POPDC3: variants seen among roughly 807,000 people sequenced by gnomAD.
The protein encoded by POPDC3 is popeye domain-containing protein 3.
A neutral mutation model predicts 28.2 loss-of-function variants in POPDC3; 20 were observed. That is an observed-to-expected ratio of 0.71 (90% CI 0.50 to 1.03). The LOEUF (loss-of-function observed/expected upper bound fraction) is 1.03. POPDC3 is among the 50% of genes least tolerant of loss of function. POPDC3 has a pLI of 0.00. For missense variants in POPDC3, 316 were observed against 345.9 expected (o/e 0.91, Z 0.69); for synonymous variants, 118 against 124.1 (o/e 0.95, Z 0.33).
rs1242638180 is a variant in POPDC3, at chr6:105,158,353, G to A, written c.*117C>T. 1.5e-5 allele frequency: 12 copies of A among 823,146 alleles called. No individual in the cohort carries two copies. Among genetic ancestry groups the A allele is most frequent in the Admixed American group, 9.0e-5 (3 of 33,274 alleles). 51.0% of individuals were successfully genotyped at this position (823,146 alleles called of 1,614,324 possible). On this transcript the variant is annotated 3_prime_UTR_variant, in exon 4 of 4. Transcript: ENST00000254765. ...ATAAAACAGTTGGCAATGGCATCTC[G>A]CTTCTGAATTTGATTTATAAAAACA...
chr6:105,172,805 A>G (rs1269496665), intron 1 of POPDC3, among the ~76,000 whole-genome samples: 1 of 146,606 alleles, frequency 6.8e-6, no homozygotes, highest in Non-Finnish European at 1.5e-5. Context: ...CAAACACCGC[A>G]TGTTCTCACT....
intron 2 of POPDC3, among the ~76,000 whole-genome samples, chr6:105,160,679 G>A (rs918864364): frequency 2.0e-5 from 3 of 151,864 alleles, no homozygotes; most frequent in East Asian, 3.9e-4. Flanking sequence ...TGCAACCTCC[G>A]CCTCCCACGC....
At chr6:105,159,879 A>C in intron 2 of POPDC3, 60 bp from the exon 3 acceptor site, 4 of 944,690 alleles carry the variant, frequency 4.2e-6, no homozygotes, top group Non-Finnish European at 3.4e-6. Flanking sequence ...ATAATTGGGG[A>C]GGGGTGGGGG....
chr6:105,171,693 T>A (rs906747427), intron 1 of POPDC3, among the ~76,000 whole-genome samples: 2 of 151,146 alleles, frequency 1.3e-5, no homozygotes, highest in Admixed American at 6.6e-5. Context: ...TAATAATTAT[T>A]ATTATTAATT....
intron 1 of POPDC3, among the ~76,000 whole-genome samples, chr6:105,175,311 G>T (rs1199516133): frequency 1.3e-5 from 2 of 151,634 alleles, no homozygotes; most frequent in Non-Finnish European, 2.9e-5. Context: ...GGCTGAGGTG[G>T]GAGGATGCCT....
At position 105,159,834 on chromosome 6, in the gene POPDC3, G is replaced by T; in HGVS notation, c.486-15C>A. On this transcript the variant is annotated splice_polypyrimidine_tract_variant and intron_variant, in intron 2 of 3. Coordinates refer to ENST00000254765, the MANE Select transcript of POPDC3 (RefSeq NM_022361.5). Reference sequence around the variant, plus strand: ...TCACTCTGATCCTATCAAAACACAAGAACAACATTTATAAGGGAAGGAGAA... The same window carrying T: ...TCACTCTGATCCTATCAAAACACAATAACAACATTTATAAGGGAAGGAGAA... 6.6e-7 allele frequency: 1 copy of T among 1,518,438 alleles called. No homozygotes were observed. Among genetic ancestry groups the T allele is most frequent in the Non-Finnish European group, 9.1e-7 (1 of 1,103,892 alleles). The allele number at this position is 1,518,438 out of a possible 1,614,324, so 94.1% of individuals were successfully genotyped here. A position where few individuals can be genotyped will look rare whatever the true frequency, so the allele number is the denominator to read the frequency against.
chr6:105,160,394 A>T (rs1774296404), intron 2 of POPDC3, among the ~76,000 whole-genome samples: 1 of 151,694 alleles, frequency 6.6e-6, no homozygotes, highest in Non-Finnish European at 1.5e-5. Context: ...TTGTATTTTT[A>T]GTAGAGACAG....
chr6:105,164,283 G>A (rs1754372179), intron 1 of POPDC3, among the ~76,000 whole-genome samples: 2 of 152,162 alleles, frequency 1.3e-5, no homozygotes, highest in African/African-American at 4.8e-5. Flanking sequence ...ATTCAGAAGG[G>A]AACTTCTGGG....
chr6:105,158,397 G>T lies in POPDC3; in HGVS notation c.*73C>A. The stretch of plus-strand genomic sequence containing the variant: ...AAAAACATTAGGGAGCTCTTTTTTT[G>T]TATTTTGCTATTTCACTGGGGAATG... On this transcript the variant is annotated 3_prime_UTR_variant, in exon 4 of 4. Coordinates refer to ENST00000254765, the MANE Select transcript of POPDC3 (RefSeq NM_022361.5). 1.5e-6 allele frequency: 2 copies of T among 1,301,628 alleles called. No individual in the cohort carries two copies. Among genetic ancestry groups the T allele is most frequent in the Admixed American group, 2.4e-5 (1 of 41,598 alleles). 80.6% of individuals were successfully genotyped at this position (1,301,628 alleles called of 1,614,324 possible).
At chr6:105,174,840 C>T (rs891955449) in intron 1 of POPDC3, among the ~76,000 whole-genome samples, 1 of 152,172 alleles carries the variant, frequency 6.6e-6, no homozygotes, top group Non-Finnish European at 1.5e-5. Context: ...AGTGATTCAT[C>T]GTGATTTCAT....
chr6:105,165,149 G>C (rs1182510386), intron 1 of POPDC3, among the ~76,000 whole-genome samples: 1 of 152,178 alleles, frequency 6.6e-6, no homozygotes, highest in Non-Finnish European at 1.5e-5. Flanking sequence ...CCCCTCTTTA[G>C]ACCCTCTCCA....
At chr6:105,173,007 G>A (rs899993392) in intron 1 of POPDC3, among the ~76,000 whole-genome samples, 5 of 152,112 alleles carry the variant, frequency 3.3e-5, no homozygotes, top group African/African-American at 1.2e-4. Context: ...TGCACGTTGT[G>A]CACATGTACC....
intron 1 of POPDC3, among the ~76,000 whole-genome samples, chr6:105,173,347 G>A (rs1774618515): frequency 1.3e-5 from 2 of 152,142 alleles, no homozygotes; most frequent in Non-Finnish European, 2.9e-5. Flanking sequence ...TAGAGGAAAA[G>A]GTACTAGCTC....
Position 105,158,421 on chromosome 6 carries a change from T to C in POPDC3, c.*49A>G, listed in dbSNP as rs761510109. 1 of 1,454,468 alleles carries C rather than the reference T, an allele frequency of 6.9e-7. No individual in the cohort carries two copies. Among genetic ancestry groups the C allele is most frequent in the Non-Finnish European group, 9.2e-7 (1 of 1,082,498 alleles). 90.1% of individuals were successfully genotyped at this position (1,454,468 alleles called of 1,614,324 possible). On this transcript the variant is annotated 3_prime_UTR_variant, in exon 4 of 4. Transcript: ENST00000254765. ...TGTATTTTGCTATTTCACTGGGGAATGATGAAGAGAGAGTCTTTTTTTATA... is the reference window on the plus strand; with the variant it reads ...TGTATTTTGCTATTTCACTGGGGAACGATGAAGAGAGAGTCTTTTTTTATA...
At chr6:105,173,780 A>G (rs573489319) in intron 1 of POPDC3, among the ~76,000 whole-genome samples, 2 of 152,310 alleles carry the variant, frequency 1.3e-5, no homozygotes, top group East Asian at 1.9e-4. Flanking sequence ...GAGAATAAAG[A>G]TGAGACAGTG....
chr6:105,161,134 G>A (rs1036655580), intron 2 of POPDC3, among the ~76,000 whole-genome samples: 1 of 152,136 alleles, frequency 6.6e-6, no homozygotes, highest in Non-Finnish European at 1.5e-5. Flanking sequence ...TCCTCTTCTC[G>A]ACTTTCAGTA....
intron 1 of POPDC3, among the ~76,000 whole-genome samples, chr6:105,163,947 C>T (rs769848008): frequency 2.0e-5 from 3 of 152,190 alleles, no homozygotes; most frequent in Non-Finnish European, 4.4e-5. Context: ...GCATCCTGAA[C>T]ATGTTCAATT....
chr6:105,176,396 C>A (rs1249483731), intron 1 of POPDC3, among the ~76,000 whole-genome samples: 1 of 152,156 alleles, frequency 6.6e-6, no homozygotes, highest in Non-Finnish European at 1.5e-5. Context: ...TGAAACCTGG[C>A]TATTACAAAA....
At position 105,171,840 on chromosome 6, in the gene POPDC3, C is replaced by T. The variant is rs1774583915; in HGVS notation, c.-252+7993G>A. On this transcript the variant is annotated intron_variant, in intron 1 of 3. Coordinates refer to ENST00000254765, the MANE Select transcript of POPDC3 (RefSeq NM_022361.5). The stretch of plus-strand genomic sequence containing the variant: ...CCTTATCTACAAATAAACTACCTAA[C>T]ACTTATTTCGTTTATTTTATTATAT... Among the ~76,000 whole-genome samples the T allele has an allele frequency of 2.0e-5, 3 of 147,968 alleles. No individual in the cohort carries two copies. The South Asian group carries it at 6.3e-4, about 31-fold the overall frequency.
Sources: allele counts gnomAD v4.1 joint callset (sites outside exome capture counted in the v4.1 genomes callset), GRCh38; gene constraint gnomAD v4.1.1; transcripts MANE v1.5; gene names NCBI Gene and HGNC (gene_info 2026-07-23, HGNC 2026-07-21).